CDH23: variants seen among roughly 807,000 people sequenced by gnomAD.
CDH23 encodes the protein cadherin-23.
CDH23 carries 189 observed loss-of-function variants against 317.1 expected under a neutral mutation model. The observed-to-expected ratio is 0.60, with a 90% CI of 0.53 to 0.67. CDH23 has a LOEUF of 0.67. Ranked by LOEUF, CDH23 falls within the 30% of genes least tolerant of loss-of-function variation. CDH23 has a pLI of 0.00. For missense variants in CDH23, 4,401 were observed against 4,592.4 expected, an observed-to-expected ratio of 0.96 and a Z score of 1.20; for synonymous variants, 1,839 against 1,876.8, an observed-to-expected ratio of 0.98 and a Z score of 0.52.
rs115584464 is a variant in CDH23 at position 71,509,929 on chromosome 10, C to A, written c.146-153C>A. The A allele has an allele frequency of 4.6e-3, 3,459 of 756,456 alleles. 58 individuals carry two copies. Among genetic ancestry groups the A allele is most frequent in the African/African-American group, 0.04 (2,344 of 58,320 alleles). The allele number at this position is 756,456 out of a possible 1,614,324, so 46.9% of individuals were successfully genotyped here. A position where few individuals can be genotyped will look rare whatever the true frequency, so the allele number is the denominator to read the frequency against. On this transcript the variant is annotated intron_variant, in intron 3 of 69. Transcript: ENST00000224721. ...AGGTGGGGTACCTGGATCAGAGCTC[C>A]CAGATGCGCCAGGGCCTTGTGATGA... is the stretch of plus-strand genomic sequence containing the variant.
intron 14 of CDH23, among the ~76,000 whole-genome samples, chr10:71,669,766 GT>G (rs1157560311): frequency 3.9e-5 from 6 of 152,158 alleles, no homozygotes; most frequent in African/African-American, 1.4e-4. Flanking sequence ...CTGATTTTAA[GT>G]GGCAGTCCAG....
chr10:71,420,027 T>G (rs1035194015), intron 1 of CDH23, among the ~76,000 whole-genome samples: 5 of 152,130 alleles, frequency 3.3e-5, no homozygotes, highest in African/African-American at 1.2e-4. Context: ...TAGCTGGTGC[T>G]CAGGAAGGGT....
chr10:71,417,571 G>T (rs762836372), intron 1 of CDH23, among the ~76,000 whole-genome samples: 1 of 151,988 alleles, frequency 6.6e-6, no homozygotes, highest in Admixed American at 6.6e-5. Flanking sequence ...TTTTCACCAT[G>T]TCCCATATAT....
intron 3 of CDH23, among the ~76,000 whole-genome samples, chr10:71,479,744 G>A (rs943064061): frequency 6.6e-6 from 1 of 152,074 alleles, no homozygotes; most frequent in South Asian, 2.1e-4. Flanking sequence ...AACCAAGCTG[G>A]GGTGATGCTG....
At chr10:71,399,211 G>C (rs1847672364) in intron 1 of CDH23, among the ~76,000 whole-genome samples, 1 of 152,238 alleles carries the variant, frequency 6.6e-6, no homozygotes, top group Admixed American at 6.5e-5. Context: ...GCTCCTCAGA[G>C]TGTGGCCTGT....
chr10:71,495,835 A>AGGAAGGAAGGAAGGAAGGAAG (rs1564615579), intron 3 of CDH23, among the ~76,000 whole-genome samples: 7 of 149,486 alleles, frequency 4.7e-5, no homozygotes, highest in Admixed American at 2.0e-4. Context: ...AAAGAAAGAA[A>AGGAAGGAAGGAAGGAAGGAAG]GAAAGAAGGA....
chr10:71,810,465 C>T lies in CDH23; in HGVS notation c.8980-7C>T, dbSNP rs762249339. The T allele has an allele frequency of 1.9e-6, 3 of 1,613,604 alleles. No homozygotes were observed. Among genetic ancestry groups the T allele is most frequent in the Admixed American group, 1.7e-5 (1 of 60,010 alleles). On this transcript the variant is annotated splice_polypyrimidine_tract_variant and splice_region_variant and intron_variant, in intron 61 of 69. Transcript: ENST00000224721. ...GGCCACACCCTACAATACCCCTTCTCATCTAGTTCCATGTGGACAAGAAGG... is the reference window on the plus strand; with the variant it reads ...GGCCACACCCTACAATACCCCTTCTTATCTAGTTCCATGTGGACAAGAAGG...
intron 3 of CDH23, among the ~76,000 whole-genome samples, chr10:71,454,268 G>A (rs906064226): frequency 3.9e-5 from 6 of 152,224 alleles, no homozygotes; most frequent in African/African-American, 1.4e-4. Flanking sequence ...TTGGGTTTAT[G>A]TGAATATTAA....
chr10:71,688,881 C>T (rs998946270), intron 19 of CDH23, among the ~76,000 whole-genome samples: 3 of 82,318 alleles, frequency 3.6e-5, no homozygotes, highest in Non-Finnish European at 5.1e-5. Flanking sequence ...GATGATGGAG[C>T]CAGGGGTGGT....
chr10:71,713,728 A>T (rs1866088627), intron 28 of CDH23: 1 of 168,070 alleles, frequency 5.9e-6, no homozygotes, highest in Non-Finnish European at 1.3e-5. Context: ...CCTGAAACCC[A>T]ATTGAGAGCC....
chr10:71,674,976 C>T, intron 14 of CDH23, 136 bp from the exon 15 acceptor site: 1 of 753,506 alleles, frequency 1.3e-6, no homozygotes, highest in East Asian at 2.7e-5. Flanking sequence ...AGGCTTTCAC[C>T]AGGCCTCACT....
chr10:71,406,902 G>A (rs1589268392), intron 1 of CDH23, among the ~76,000 whole-genome samples: 1 of 152,314 alleles, frequency 6.6e-6, no homozygotes, highest in African/African-American at 2.4e-5. Context: ...CATAGACTTA[G>A]TGTCAGAGCT....
intron 6 of CDH23, among the ~76,000 whole-genome samples, chr10:71,515,394 T>TCTCTCACACACA (rs1491490493): frequency 9.4e-4 from 25 of 26,698 alleles, no homozygotes; most frequent in African/African-American, 2.0e-3. Flanking sequence ...TCTCTCTCTC[T>TCTCTCACACACA]CACACACACA....
intron 11 of CDH23, chr10:71,635,213 A>G (rs967618873): frequency 2.0e-5 from 3 of 152,674 alleles, no homozygotes; most frequent in Non-Finnish European, 4.4e-5. Flanking sequence ...GCAAGTACCA[A>G]CGCACATTAT....
chr10:71,777,550 C>G (rs541251967), intron 38 of CDH23, 130 bp from the exon 39 acceptor site: 3 of 767,782 alleles, frequency 3.9e-6, no homozygotes, highest in African/African-American at 1.7e-5. Context: ...TGACCCACCC[C>G]CTGCTTTCTT....
intron 47 of CDH23, among the ~76,000 whole-genome samples, chr10:71,791,647 C>G (rs933600967): frequency 6.6e-6 from 1 of 151,632 alleles, no homozygotes; most frequent in African/African-American, 2.4e-5. Flanking sequence ...ACAATCTCGG[C>G]TCACTGCAAC....
chr10:71,414,451 T>C (rs548239754), intron 1 of CDH23, among the ~76,000 whole-genome samples: 14 of 152,372 alleles, frequency 9.2e-5, no homozygotes, highest in African/African-American at 2.9e-4. Context: ...GCTAATGTGG[T>C]AAATTACACT....
At chr10:71,582,016 C>T (rs1374226198) in intron 9 of CDH23, among the ~76,000 whole-genome samples, 1 of 152,228 alleles carries the variant, frequency 6.6e-6, no homozygotes, top group East Asian at 1.9e-4. Flanking sequence ...GTGGTCCTCG[C>T]CCGTGGAACC....
At position 71,807,843 on chromosome 10, in the gene CDH23, C is replaced by A. The variant is rs1841783408; in HGVS notation, c.8561-3C>A. 1.3e-6 allele frequency: 2 copies of A among 1,599,064 alleles called. No individual in the cohort carries two copies. Among genetic ancestry groups the A allele is most frequent in the Non-Finnish European group, 1.7e-6 (2 of 1,172,746 alleles). On this transcript the variant is annotated splice_polypyrimidine_tract_variant and splice_region_variant and intron_variant, in intron 59 of 69. Transcript: ENST00000224721. ...CACTTACACCACCTGCCTCTTCCTG[C>A]AGGGGTGGCCACCGACGCCAAGGTG... is the stretch of plus-strand genomic sequence containing the variant.
Sources: gnomAD v4.1 joint callset for allele counts (sites outside exome capture counted in the v4.1 genomes callset) on GRCh38, gnomAD v4.1.1 for gene constraint, MANE v1.5 for transcripts, NCBI Gene and HGNC (gene_info 2026-07-23, HGNC 2026-07-21) for gene names.